The following PRCD variants were observed in gnomAD, a reference collection of about 807,000 sequenced individuals.
The protein encoded by PRCD is photoreceptor disk component PRCD.
A neutral mutation model predicts 10.1 loss-of-function variants in PRCD; 12 were observed. The ratio of observed to expected loss-of-function variants is 1.18; its 90% CI spans 0.76 to 1.92. PRCD has a LOEUF of 1.92. Among genes scored for constraint, PRCD ranks in the 40% most tolerant of loss-of-function variants. PRCD has a pLI of 0.00. For synonymous variants in PRCD, 31 were observed against 26.2 expected, an observed-to-expected ratio of 1.18 and a Z score of -0.56; for missense variants, 61 against 72.2, an observed-to-expected ratio of 0.84 and a Z score of 0.56.
Position 76,540,517 on chromosome 17 carries a change from C to A in PRCD, c.87C>A (p.Asp29Glu). The change falls in exon 2 of 5, where the codon GAC (aspartate) becomes GAA (glutamate). Residue 29 changes from aspartate to glutamate, a missense_variant. Asp to Glu is a conservative substitution (Grantham distance 45). Coordinates refer to ENST00000592014, the MANE Select transcript of PRCD (RefSeq NM_001077620.3). The surrounding 1 kb of genome is among the most constrained non-coding windows in gnomAD (Gnocchi z 5.0). Reference sequence around the variant, plus strand: ...TTGCCTCCCACAGAGAGCCCAGCGACGTGGATGGGGCAGCTAGGGGCAGCA... The same window carrying A: ...TTGCCTCCCACAGAGAGCCCAGCGAAGTGGATGGGGCAGCTAGGGGCAGCA... ...FANRVQPEPS[D>E]VDGAARGSSL... 1 of 1,613,324 alleles carries A rather than the reference C, an allele frequency of 6.2e-7. No homozygotes were observed. Among genetic ancestry groups the A allele is most frequent in the South Asian group, 1.1e-5 (1 of 91,066 alleles).
upstream of PRCD, chr17:76,539,889 G>A (rs892843188): frequency 8.6e-6 from 5 of 584,146 alleles, no homozygotes; most frequent in South Asian, 2.1e-5. Context: ...TCGAGACTCC[G>A]AATACGTGCT....
Position 76,540,298 on chromosome 17 carries a change from C to A in PRCD, c.74+83C>A. The A allele has an allele frequency of 7.0e-7, 1 of 1,436,474 alleles. No homozygotes were observed. Among genetic ancestry groups the A allele is most frequent in the Non-Finnish European group, 9.5e-7 (1 of 1,053,058 alleles). The allele number at this position is 1,436,474 out of a possible 1,614,324, so 89.0% of individuals were successfully genotyped here. ...GGGCTGCCACCAAGCTGAAGGTGGG[C>A]AGGGGCTGCGTGAACCTTCAGCGGG... is the stretch of plus-strand genomic sequence containing the variant. On this transcript the variant is annotated intron_variant, in intron 1 of 4. Transcript: ENST00000592014. The surrounding 1 kb of genome is among the most constrained non-coding windows in gnomAD (Gnocchi z 5.0).
rs753506842 is a variant in PRCD at position 76,545,267 on chromosome 17, C to T, written c.*1617C>T. On this transcript the variant is annotated 3_prime_UTR_variant, in exon 5 of 5. Transcript: ENST00000592014. ...GCTCCCCACAGAAGGCTCCTGGGAC[C>T]CGGGTGCCCCTTCCTTGGCCCACTG... The T allele has an allele frequency of 2.2e-6, 1 of 456,806 alleles. No homozygotes were observed. Among genetic ancestry groups the T allele is most frequent in the South Asian group, 1.5e-5 (1 of 64,576 alleles). The allele number at this position is 456,806 out of a possible 1,614,324, so 28.3% of individuals were successfully genotyped here. A position where few individuals can be genotyped will look rare whatever the true frequency, so the allele number is the denominator to read the frequency against.
chr17:76,531,276 GCT>G lies in PRCD; in HGVS notation n.45+3447_45+3448del. On this transcript the variant is annotated intron_variant and non_coding_transcript_variant, in intron 1 of 4. Coordinates refer to the PRCD transcript ENST00000397633. The surrounding 1 kb of genome is among the most constrained non-coding windows in gnomAD (Gnocchi z 7.4). Reference sequence around the variant, plus strand: ...AGTCTGGCAGCTTTGGGAACCCCGTGCTCTCAGGACAAGGGTTGCCCTGGACC... The same window carrying G: ...AGTCTGGCAGCTTTGGGAACCCCGTGCTCAGGACAAGGGTTGCCCTGGACC... 3 of 1,223,772 alleles carry G rather than the reference GCT, an allele frequency of 2.5e-6. No homozygotes were observed. Among genetic ancestry groups the G allele is most frequent in the Non-Finnish European group, 3.4e-6 (3 of 879,244 alleles). The allele number at this position is 1,223,772 out of a possible 1,614,324, so 75.8% of individuals were successfully genotyped here.
chr17:76,552,893 TATATAAAA>T (rs2075123253), intron 1 of PRCD: 2 of 122,606 alleles, frequency 1.6e-5, no homozygotes, highest in Non-Finnish European at 3.3e-5. Context: ...TATATATATA[TATATAAAA>T]ATATATATAT....
At chr17:76,548,956 T>G (rs1215176558), downstream of PRCD, among the ~76,000 whole-genome samples, 5 of 152,110 alleles carry the variant, frequency 3.3e-5, no homozygotes, top group Non-Finnish European at 7.4e-5. Context: ...ACAGTGGCTT[T>G]GCTAAGGTGA....
At chr17:76,538,571 C>G (rs2074950704), upstream of PRCD, 1 of 461,462 alleles carries the variant, frequency 2.2e-6, no homozygotes, top group African/African-American at 2.0e-5. Flanking sequence ...CAGAGAGGCA[C>G]CGGATAGGGC....
At position 76,533,581 on chromosome 17, in the gene PRCD, G is replaced by T. The variant is rs911658553; in HGVS notation, n.45+5748G>T. ...TCTACAAAATACAAAAAATTAGCCA[G>T]GTGTGGTGGCACACACCTTTGATTC... On this transcript the variant is annotated intron_variant and non_coding_transcript_variant, in intron 1 of 4. Transcript: ENST00000397633. The surrounding 1 kb of genome is among the most constrained non-coding windows in gnomAD (Gnocchi z 4.5). 2.0e-5 allele frequency among the ~76,000 whole-genome samples: 3 copies of T among 151,866 alleles called. No homozygotes were observed. The highest frequency in any genetic ancestry group is 7.3e-5 in the African/African-American group (3 of 41,306).
At position 76,533,058 on chromosome 17, in the gene PRCD, T is replaced by G. The variant is rs2074867128; in HGVS notation, n.45+5225T>G. On this transcript the variant is annotated intron_variant and non_coding_transcript_variant, in intron 1 of 4. Coordinates refer to the PRCD transcript ENST00000397633. The surrounding 1 kb of genome is among the most constrained non-coding windows in gnomAD (Gnocchi z 4.5). ...TAGCCCTTTGGCCAGGAGTCGAGTC[T>G]CAGATGTGAGGGCTGGAACAGATGC... Among the ~76,000 whole-genome samples, 1 of 152,188 alleles carries G rather than the reference T, an allele frequency of 6.6e-6. No homozygotes were observed. The highest frequency in any genetic ancestry group is 1.5e-5 in the Non-Finnish European group (1 of 68,030).
rs1287514503 is a variant in PRCD at position 76,545,152 on chromosome 17, T to G, written c.*1502T>G. The G allele has an allele frequency of 4.4e-6, 2 of 456,560 alleles. No homozygotes were observed. Among genetic ancestry groups the G allele is most frequent in the African/African-American group, 4.0e-5 (2 of 50,068 alleles). The allele number at this position is 456,560 out of a possible 1,614,324, so 28.3% of individuals were successfully genotyped here. On this transcript the variant is annotated 3_prime_UTR_variant, in exon 5 of 5. Coordinates refer to ENST00000592014, the MANE Select transcript of PRCD (RefSeq NM_001077620.3). ...GCACACCCAGCCCACGCTCGCCTCTTATTCCCGGGGCCTCTCCCACCCCTG... is the reference window on the plus strand; with the variant it reads ...GCACACCCAGCCCACGCTCGCCTCTGATTCCCGGGGCCTCTCCCACCCCTG...
intron 1 of PRCD, chr17:76,552,864 C>CAAAAAAAAA (rs1169694716): frequency 1.2e-5 from 1 of 85,838 alleles, no homozygotes; most frequent in African/African-American, 4.2e-5. Context: ...AGCTCTGTCT[C>CAAAAAAAAA]AAAAAAAAAA....
At chr17:76,529,919 A>T (rs758355279) in intron 1 of PRCD, 159 of 984,592 alleles carry the variant, frequency 1.6e-4, no homozygotes, top group Admixed American at 3.7e-4. Context: ...GAGAGGGGGG[A>T]GGGGAGCAGG....
intron 1 of PRCD, chr17:76,551,617 G>C (rs115066540): frequency 6.6e-6 from 1 of 152,108 alleles, no homozygotes; most frequent in Admixed American, 6.5e-5. Flanking sequence ...CTGGTCATCT[G>C]CATGATCCCA....
downstream of PRCD, among the ~76,000 whole-genome samples, chr17:76,548,048 TCACA>T (rs369585330): frequency 3.3e-3 from 486 of 148,842 alleles, 4 homozygotes; most frequent in African/African-American, 0.011. Context: ...ATACGAACAT[TCACA>T]CACATACACA....
chr17:76,547,742 CACAA>C (rs542199787), downstream of PRCD, among the ~76,000 whole-genome samples: 271 of 150,806 alleles, frequency 1.8e-3, 2 homozygotes, highest in Middle Eastern at 0.021. Flanking sequence ...CACACACATA[CACAA>C]ACACAGTCAT....
At chr17:76,549,409 A>T (rs1309950025), downstream of PRCD, among the ~76,000 whole-genome samples, 1 of 152,258 alleles carries the variant, frequency 6.6e-6, no homozygotes, top group Non-Finnish European at 1.5e-5. Flanking sequence ...GATACTCCAC[A>T]TGCAAATCAA....
chr17:76,552,897 T>C (rs376093335), intron 1 of PRCD: 2 of 121,756 alleles, frequency 1.6e-5, no homozygotes, highest in East Asian at 2.1e-4. Flanking sequence ...TATATATATA[T>C]AAAAATATAT....
intron 2 of PRCD, among the ~76,000 whole-genome samples, chr17:76,541,510 G>C (rs2074993363): frequency 6.6e-6 from 1 of 152,150 alleles, no homozygotes; most frequent in African/African-American, 2.4e-5. Flanking sequence ...GCAACCGAGA[G>C]AACTTCCGTC....
At chr17:76,537,200 C>T (rs905925131), upstream of PRCD, among the ~76,000 whole-genome samples, 1 of 152,198 alleles carries the variant, frequency 6.6e-6, no homozygotes, top group African/African-American at 2.4e-5. Context: ...TGGTGAACAC[C>T]GCGCCGGAGC....
Sources: allele counts gnomAD v4.1 joint callset (sites outside exome capture counted in the v4.1 genomes callset), GRCh38; gene constraint gnomAD v4.1.1; non-coding constraint Gnocchi (gnomAD v3.1); transcripts MANE v1.5; gene names NCBI Gene and HGNC (gene_info 2026-07-23, HGNC 2026-07-21).